Variants in ZNF618 observed in about 807,000 individuals in gnomAD.
ZNF618 encodes neural precursor cell expressed, developmentally down-regulated 10.
ZNF618 carries 34 observed loss-of-function variants against 103.0 expected under a neutral mutation model. The ratio of observed to expected loss-of-function variants is 0.33; its 90% CI spans 0.25 to 0.44. The LOEUF (loss-of-function observed/expected upper bound fraction) is 0.44, where lower values mean the gene tolerates loss of function less well. ZNF618 is among the 20% of genes least tolerant of loss of function. The pLI is 1.00. For synonymous variants in ZNF618, 551 were observed against 542.2 expected (o/e 1.02, Z -0.23); for missense variants, 1,059 against 1,295.4 (o/e 0.82, Z 2.80).
chr9:113,999,642 T>C (rs1840984853), intron 4 of ZNF618, among the ~76,000 whole-genome samples: 1 of 152,204 alleles, frequency 6.6e-6, no homozygotes, highest in Non-Finnish European at 1.5e-5. Context: ...AGGCCTTGAC[T>C]TGGCTGTAAA....
intron 3 of ZNF618, among the ~76,000 whole-genome samples, chr9:113,996,334 T>C (rs1840592673): frequency 6.6e-6 from 1 of 152,202 alleles, no homozygotes; most frequent in Non-Finnish European, 1.5e-5. Flanking sequence ...CAGCCTTCTG[T>C]CCCTACCCTT....
At chr9:113,921,697 C>T (rs1832665780) in intron 1 of ZNF618, among the ~76,000 whole-genome samples, 2 of 152,226 alleles carry the variant, frequency 1.3e-5, no homozygotes, top group African/African-American at 4.8e-5. Flanking sequence ...CTGTTCTTCT[C>T]AGGGGAAATG....
chr9:113,977,966 A>G (rs1232625435), intron 2 of ZNF618, among the ~76,000 whole-genome samples: 3 of 152,250 alleles, frequency 2.0e-5, no homozygotes, highest in Non-Finnish European at 4.4e-5. Context: ...GACACCGTAC[A>G]ATGAGGAAAA....
At chr9:114,044,995 T>C (rs1481202351) in intron 13 of ZNF618, among the ~76,000 whole-genome samples, 3 of 152,114 alleles carry the variant, frequency 2.0e-5, no homozygotes, top group Non-Finnish European at 4.4e-5. Flanking sequence ...TCTTTAGGGT[T>C]TTCTAGGTAT....
chr9:113,910,819 T>C (rs906016101), intron 1 of ZNF618, among the ~76,000 whole-genome samples: 1 of 151,628 alleles, frequency 6.6e-6, no homozygotes, highest in Non-Finnish European at 1.5e-5. Context: ...CATGGAACTT[T>C]CTGCTTTTTC....
intron 1 of ZNF618, among the ~76,000 whole-genome samples, chr9:113,946,470 G>A (rs75376577): frequency 0.065 from 9,908 of 151,958 alleles, 454 homozygotes; most frequent in African/African-American, 0.12. Context: ...AAGGAAATGG[G>A]GAGTCCTGGG....
chr9:113,991,663 A>G (rs1840069762), intron 3 of ZNF618, among the ~76,000 whole-genome samples: 1 of 152,218 alleles, frequency 6.6e-6, no homozygotes, highest in South Asian at 2.1e-4. Flanking sequence ...GGGATGGGGA[A>G]TAAAGTCGGT....
chr9:113,949,187 A>G (rs1835314947), intron 1 of ZNF618, among the ~76,000 whole-genome samples: 1 of 152,190 alleles, frequency 6.6e-6, no homozygotes, highest in Non-Finnish European at 1.5e-5. Flanking sequence ...TTGGAGCTTC[A>G]CATCTTCCAC....
intron 9 of ZNF618, among the ~76,000 whole-genome samples, chr9:114,014,681 T>A (rs1842515650): frequency 6.6e-6 from 1 of 152,224 alleles, no homozygotes; most frequent in Non-Finnish European, 1.5e-5. Context: ...TAAAACGGAA[T>A]AATTAAATGT....
intron 10 of ZNF618, among the ~76,000 whole-genome samples, chr9:114,017,885 G>C (rs1413492938): frequency 6.6e-6 from 1 of 152,104 alleles, no homozygotes; most frequent in Non-Finnish European, 1.5e-5. Context: ...GCTTCCCCAG[G>C]AATTCCTCCC....
chr9:114,049,015 C>T lies in ZNF618; in HGVS notation c.1713C>T (p.Ala571=), dbSNP rs201941096. The change falls in exon 15 of 15, where the codon GCC becomes GCT. Residue 571 remains alanine, a synonymous_variant. Transcript: ENST00000374126. The part of the protein sequence containing the change: ...DSCYILTAYQ[A]EGNHIKSYVL... ...GCTACATCCTCACAGCCTACCAGGC[C>T]GAGGGCAACCACATCAAGAGCTATG... 1.7e-5 allele frequency: 27 copies of T among 1,613,230 alleles called. No homozygotes were observed. The highest frequency in any genetic ancestry group is 1.3e-4 in the Admixed American group (8 of 59,994).
chr9:113,926,149 G>GTTTTTTT (rs202041982), intron 1 of ZNF618, among the ~76,000 whole-genome samples: 2 of 132,594 alleles, frequency 1.5e-5, no homozygotes, highest in Non-Finnish European at 3.3e-5. Flanking sequence ...CTAGGTTGGT[G>GTTTTTTT]TTGTTTTTTT....
intron 2 of ZNF618, 148 bp from the exon 3 acceptor site, chr9:113,988,173 G>A (rs1269009554): frequency 2.0e-5 from 21 of 1,043,516 alleles, no homozygotes; most frequent in East Asian, 2.6e-5. Flanking sequence ...AGGGGTAGCC[G>A]TGGGGGTTGT....
intron 1 of ZNF618, among the ~76,000 whole-genome samples, chr9:113,957,872 A>T (rs1415358595): frequency 2.0e-5 from 3 of 150,730 alleles, no homozygotes; most frequent in African/African-American, 7.3e-5. Context: ...TCACATATTT[A>T]ATGAGTAATC....
chr9:113,975,241 G>T (rs200967613), intron 2 of ZNF618, among the ~76,000 whole-genome samples: 5 of 152,278 alleles, frequency 3.3e-5, no homozygotes, highest in Non-Finnish European at 7.4e-5. Flanking sequence ...AGCCCTTTCA[G>T]ATAGTGATTG....
chr9:113,999,743 G>A (rs1331216507), intron 4 of ZNF618, among the ~76,000 whole-genome samples: 3 of 152,212 alleles, frequency 2.0e-5, no homozygotes, highest in Non-Finnish European at 2.9e-5. Flanking sequence ...CTGCCCTAAC[G>A]CCATCATCGT....
chr9:114,007,322 A>G, intron 6 of ZNF618, 28 bp from the exon 7 acceptor site: 1 of 1,607,600 alleles, frequency 6.2e-7, no homozygotes, highest in Non-Finnish European at 8.5e-7. Context: ...AGCCCTGGTA[A>G]CCAGGTGTGT....
At chr9:113,882,944 A>G (rs1226885303) in intron 1 of ZNF618, among the ~76,000 whole-genome samples, 1 of 152,108 alleles carries the variant, frequency 6.6e-6, no homozygotes, top group Non-Finnish European at 1.5e-5. Context: ...CCTCCCAAAC[A>G]ATGTGGACCC....
chr9:113,934,893 G>A (rs1158545405), intron 1 of ZNF618, among the ~76,000 whole-genome samples: 1 of 152,206 alleles, frequency 6.6e-6, no homozygotes, highest in African/African-American at 2.4e-5. Context: ...CAGCCTTTAT[G>A]CTTTCTAAGC....
Sources: allele counts gnomAD v4.1 joint callset (sites outside exome capture counted in the v4.1 genomes callset), GRCh38; gene constraint gnomAD v4.1.1; transcripts MANE v1.5; gene names NCBI Gene and HGNC (gene_info 2026-07-23, HGNC 2026-07-21).